The following TUBGCP6 variants were observed in gnomAD, a reference collection of about 807,000 sequenced individuals.
TUBGCP6 encodes tubulin gamma complex component 6.
A neutral mutation model predicts 175.8 loss-of-function variants in TUBGCP6; 161 were observed. That is an observed-to-expected ratio of 0.92 (90% CI 0.81 to 1.04). The LOEUF (loss-of-function observed/expected upper bound fraction) is 1.04. TUBGCP6 is among the 50% of genes least tolerant of loss of function. The probability of loss-of-function intolerance (pLI) is 0.00; values close to 1 mark genes in which losing one functional copy is unlikely to be tolerated. For synonymous variants in TUBGCP6, 1,173 were observed against 1,030.5 expected (o/e 1.14, Z -2.65); for missense variants, 2,572 against 2,433.0 (o/e 1.06, Z -1.20).
chr22:50,222,412 A>G (rs748234482), intron 14 of TUBGCP6, 42 bp downstream of exon 14: 1 of 1,609,810 alleles, frequency 6.2e-7, no homozygotes, highest in South Asian at 1.1e-5. Flanking sequence ...CCAGACCCCC[A>G]AAGCCCAGGG....
chr22:50,219,486 G>A (rs1311101957), intron 18 of TUBGCP6, 30 bp from the exon 19 acceptor site: 1 of 1,594,494 alleles, frequency 6.3e-7, no homozygotes, highest in African/African-American at 1.3e-5. Context: ...CACGTGCTGG[G>A]AACCGGCCAG....
chr22:50,232,876 T>A (rs2064711625), intron 3 of TUBGCP6, among the ~76,000 whole-genome samples: 1 of 152,222 alleles, frequency 6.6e-6, no homozygotes, highest in African/African-American at 2.4e-5. Context: ...CTGGCTAAAC[T>A]GCAGCTGGTG....
In TUBGCP6 at chr22:50,220,394, G is replaced by T; in HGVS notation, c.3965C>A (p.Pro1322His). The T allele has an allele frequency of 2.5e-6, 4 of 1,574,170 alleles. No individual in the cohort carries two copies. Among genetic ancestry groups the T allele is most frequent in the Middle Eastern group, 1.7e-4 (1 of 5,870 alleles). Residue 1322 changes from proline to histidine, a missense_variant, in exon 16 of 25, where the codon CCT (proline) becomes CAT (histidine). Coordinates refer to ENST00000248846, the MANE Select transcript of TUBGCP6 (RefSeq NM_020461.4). ...GGACAGAGATGGCCCCACTTCTACA[G>T]GCAGCCGTGGCCCACAGTCCAGCAC... ...STVLDCGPRL[P>H]VEVGPSLSSP...
rs1243490164 is a variant in TUBGCP6 at position 50,222,384 on chromosome 22, T to C, written c.2409+70A>G. On this transcript the variant is annotated intron_variant, in intron 14 of 24. Transcript: ENST00000248846. ...TCCTAGAAGAGCATGTAGGTTTGTG[T>C]GCAGTCTCAGGGGGTTTCCAGACCC... The C allele has an allele frequency of 7.5e-6, 12 of 1,591,438 alleles. No individual in the cohort carries two copies. In the African/African-American group the frequency reaches 1.6e-4, roughly 21 times the overall value.
chr22:50,233,284 C>T, intron 3 of TUBGCP6, 32 bp downstream of exon 3: 1 of 1,606,124 alleles, frequency 6.2e-7, no homozygotes, highest in Non-Finnish European at 8.5e-7. Context: ...GCCAGCCCCA[C>T]ACCACTGTGG....
At position 50,227,159 on chromosome 22, in the gene TUBGCP6, G is replaced by C. The variant is rs999302753; in HGVS notation, c.1413-82C>G. The C allele has an allele frequency of 4.0e-6, 5 of 1,261,330 alleles. No individual in the cohort carries two copies. The African/African-American group carries it at 7.5e-5, about 19-fold the overall frequency. 78.1% of individuals were successfully genotyped at this position (1,261,330 alleles called of 1,614,324 possible). A position where few individuals can be genotyped will look rare whatever the true frequency, so the allele number is the denominator to read the frequency against. On this transcript the variant is annotated intron_variant, in intron 5 of 24. Transcript: ENST00000248846. ...ATCAGATCGTGAGCAAAGTCTCCAC[G>C]TATCTTTATGCTCCCTGGGGCAACT...
intron 2 of TUBGCP6, among the ~76,000 whole-genome samples, chr22:50,234,175 G>A (rs1397224371): frequency 2.5e-4 from 36 of 143,872 alleles, no homozygotes; most frequent in East Asian, 4.4e-4. Context: ...ACCCATCCAC[G>A]GCAGCATCAT....
At chr22:50,225,129 C>T (rs1434602526) in intron 10 of TUBGCP6, among the ~76,000 whole-genome samples, 2 of 139,444 alleles carry the variant, frequency 1.4e-5, no homozygotes, top group South Asian at 2.4e-4. Flanking sequence ...GGGAGCTGAC[C>T]GGCTCTCACA....
intron 19 of TUBGCP6, 37 bp from the exon 20 acceptor site, chr22:50,219,246 C>T (rs1219368334): frequency 1.6e-5 from 25 of 1,608,858 alleles, no homozygotes; most frequent in South Asian, 3.3e-5. Flanking sequence ...CGGGCCAGGA[C>T]GGGCTGGGTG....
intron 3 of TUBGCP6, among the ~76,000 whole-genome samples, chr22:50,231,686 C>T (rs1198679783): frequency 1.3e-5 from 2 of 151,678 alleles, no homozygotes; most frequent in Non-Finnish European, 1.5e-5. Flanking sequence ...GGTGAAACCC[C>T]GTCTCTACTA....
At chr22:50,238,174 A>C (rs529620461) in intron 2 of TUBGCP6, among the ~76,000 whole-genome samples, 1 of 151,794 alleles carries the variant, frequency 6.6e-6, no homozygotes, top group East Asian at 1.9e-4. Flanking sequence ...AGACAGACTT[A>C]TGAGGGAGAG....
intron 2 of TUBGCP6, among the ~76,000 whole-genome samples, chr22:50,239,554 T>G (rs1004224521): frequency 6.6e-6 from 1 of 152,146 alleles, no homozygotes; most frequent in Admixed American, 6.5e-5. Context: ...AGGTGCTGAG[T>G]GCAGAGGCCT....
intron 14 of TUBGCP6, 31 bp from the exon 15 acceptor site, chr22:50,222,133 A>G (rs753435038): frequency 2.9e-5 from 46 of 1,607,594 alleles, no homozygotes; most frequent in East Asian, 1.3e-4. Context: ...GTGACTGGCC[A>G]AGCCGGAGTC....
At position 50,222,542 on chromosome 22, in the gene TUBGCP6, C is replaced by G. The variant is rs2064545819; in HGVS notation, c.2321G>C (p.Arg774Pro). 6.2e-7 allele frequency: 1 copy of G among 1,613,334 alleles called. No homozygotes were observed. Among genetic ancestry groups the G allele is most frequent in the African/African-American group, 1.3e-5 (1 of 74,928 alleles). ...GATTCTCCACAGTGCCTTCTGCTCC[C>G]GACGAGCTGCCTCTGCAGAGAGCTT... The part of the protein sequence containing the change: ...YSKLSAEAAR[R>P]EQKALWRIQR... The change falls in exon 14 of 25, where the codon CGG becomes CCG. Residue 774 changes from arginine (R) to proline (P), a missense_variant. By Grantham distance (103) the Arg-to-Pro change is moderately radical. Transcript: ENST00000248846.
At chr22:50,222,130 G>T (rs763671369) in intron 14 of TUBGCP6, 28 bp from the exon 15 acceptor site, 1 of 1,609,516 alleles carries the variant, frequency 6.2e-7, no homozygotes, top group East Asian at 2.2e-5. Flanking sequence ...GGGGTGACTG[G>T]CCAAGCCGGA....
In TUBGCP6 at chr22:50,225,613, G is replaced by C. The variant is rs5771246; in HGVS notation, c.1983+181C>G. ...CACCCACCCTTCATCTCAACTCCCC[G>C]TTGACACCCACCCTTCATCTCAACT... On this transcript the variant is annotated intron_variant, in intron 10 of 24. Coordinates refer to ENST00000248846, the MANE Select transcript of TUBGCP6 (RefSeq NM_020461.4). Among the ~76,000 whole-genome samples, 484 of 64,040 alleles carry C rather than the reference G, an allele frequency of 7.6e-3. 4 individuals carry two copies. Among genetic ancestry groups the C allele is most frequent in the East Asian group, 0.046 (100 of 2,184 alleles). The allele number at this position is 64,040 out of a possible 152,430, so 42.0% of individuals were successfully genotyped here.
rs565771303 is a variant in TUBGCP6, at chr22:50,219,777, G to C, written c.4182C>G (p.Ala1394=). ...CCTCACCACGGCCTGGGCTGCTCTG[G>C]GCAGCTGTGTCTTCCTAACAAAACA... ...WPLNSQEDTA[A]QSSPGRGEEA... is the part of the protein sequence containing the mutation. The change falls in exon 18 of 25, where the codon GCC becomes GCG. Residue 1394 remains alanine, a synonymous_variant. Transcript: ENST00000248846. 1.9e-6 allele frequency: 3 copies of C among 1,613,442 alleles called. No individual in the cohort carries two copies. Among genetic ancestry groups the C allele is most frequent in the African/African-American group, 2.7e-5 (2 of 74,944 alleles).
rs771123112 is a variant in TUBGCP6 at position 50,224,526 on chromosome 22, G to A, written c.2050C>T (p.Leu684=). The change falls in exon 11 of 25, where the codon CTG becomes TTG. Residue 684 remains leucine (L), a synonymous_variant. Transcript: ENST00000248846. ...AHAREAASRV[L]SALSDRQMSE... is the part of the protein sequence containing the mutation. ...GGCCACTCACCACTCAGTGCACTCA[G>A]GACCCTGGATGCTGCTTCCCGGGCA... is the stretch of plus-strand genomic sequence containing the variant. 9.9e-6 allele frequency: 16 copies of A among 1,614,068 alleles called. No individual in the cohort carries two copies. In the South Asian group the frequency reaches 1.6e-4, roughly 17 times the overall value.
At chr22:50,219,003 A>G in intron 20 of TUBGCP6, 65 bp downstream of exon 20, 5 of 1,599,892 alleles carry the variant, frequency 3.1e-6, no homozygotes, top group South Asian at 1.1e-5. Context: ...GTGGGCGTGC[A>G]GCCAGTCTCT....
Sources: allele counts gnomAD v4.1 joint callset (sites outside exome capture counted in the v4.1 genomes callset), GRCh38; gene constraint gnomAD v4.1.1; transcripts MANE v1.5; gene names NCBI Gene and HGNC (gene_info 2026-07-23, HGNC 2026-07-21).